The following SERGEF variants were observed in gnomAD, a reference collection of about 807,000 sequenced individuals.
SERGEF encodes secretion regulating guanine nucleotide exchange factor.
Under a neutral mutation model 50.0 loss-of-function variants are expected in SERGEF, and 51 were observed. That is an observed-to-expected ratio of 1.02 (90% CI 0.81 to 1.29). The LOEUF (loss-of-function observed/expected upper bound fraction) is 1.29, where lower values mean the gene tolerates loss of function less well. SERGEF is among the 50% of genes most tolerant of loss of function. The pLI is 0.00. For missense variants in SERGEF, 521 were observed against 557.0 expected (o/e 0.94, Z 0.65); for synonymous variants, 205 against 212.4 (o/e 0.97, Z 0.30).
At chr11:17,926,329 A>G (rs1852247642) in intron 9 of SERGEF, among the ~76,000 whole-genome samples, 2 of 152,068 alleles carry the variant, frequency 1.3e-5, no homozygotes, top group Non-Finnish European at 2.9e-5. Flanking sequence ...GATCCTAAGA[A>G]GCTTCCAGAA....
intron 9 of SERGEF, among the ~76,000 whole-genome samples, chr11:17,920,139 C>T (rs913795479): frequency 2.0e-5 from 3 of 151,530 alleles, no homozygotes; most frequent in Non-Finnish European, 4.4e-5. Context: ...CCTAGCTACT[C>T]AGGAGGCTGA....
chr11:17,912,088 G>C (rs566283331), intron 9 of SERGEF, among the ~76,000 whole-genome samples: 3 of 152,172 alleles, frequency 2.0e-5, no homozygotes, highest in African/African-American at 7.2e-5. Flanking sequence ...TATCCAAGAG[G>C]GAGAAACAAA....
intron 8 of SERGEF, among the ~76,000 whole-genome samples, chr11:17,975,872 CCACTTCTATAGATTTTTTCG>C (rs1436312316): frequency 6.6e-6 from 1 of 152,132 alleles, no homozygotes; most frequent in Non-Finnish European, 1.5e-5. Context: ...AGAGCACTTC[CCACTTCTATAGATTTTTTCG>C]CAGTATTCCT....
At chr11:17,815,418 G>A (rs1162787533) in intron 10 of SERGEF, among the ~76,000 whole-genome samples, 9 of 139,086 alleles carry the variant, frequency 6.5e-5, no homozygotes, top group African/African-American at 2.2e-4. Flanking sequence ...GGTAAACATC[G>A]TGAAACCCCA....
chr11:17,941,433 G>T (rs1181758415), intron 9 of SERGEF, among the ~76,000 whole-genome samples: 1 of 152,074 alleles, frequency 6.6e-6, no homozygotes, highest in African/African-American at 2.4e-5. Context: ...GGTCCTCAAG[G>T]TTCATCTATG....
chr11:17,972,866 G>C (rs1853280281), intron 8 of SERGEF, among the ~76,000 whole-genome samples: 1 of 152,066 alleles, frequency 6.6e-6, no homozygotes, highest in Non-Finnish European at 1.5e-5. Flanking sequence ...GCTGGGTAAT[G>C]AAAGAAACAT....
rs370012744 is a variant in SERGEF, at chr11:18,000,488, G to C, written c.508+9C>G. The C allele has an allele frequency of 6.5e-7, 1 of 1,548,110 alleles. No individual in the cohort carries two copies. The highest frequency in any genetic ancestry group is 8.7e-7 in the Non-Finnish European group (1 of 1,144,908). On this transcript the variant is annotated intron_variant, in intron 5 of 10. Coordinates refer to ENST00000265965, the MANE Select transcript of SERGEF (RefSeq NM_012139.4). ...AATAAAAATAAAAAAATAAAGATAA[G>C]ATGATCACCTGTAGCAGCTACTGCA...
intron 10 of SERGEF, among the ~76,000 whole-genome samples, chr11:17,807,509 A>C (rs565749620): frequency 2.6e-4 from 39 of 152,324 alleles, no homozygotes; most frequent in Middle Eastern, 3.4e-3. Flanking sequence ...TGGCTCACCC[A>C]GGGGGTAATG....
intron 10 of SERGEF, among the ~76,000 whole-genome samples, chr11:17,869,582 G>A (rs986578132): frequency 6.6e-6 from 1 of 152,160 alleles, no homozygotes; most frequent in African/African-American, 2.4e-5. Flanking sequence ...CATGGCAAAA[G>A]GGGTGAACAA....
At chr11:17,865,385 T>C (rs1276718864) in intron 10 of SERGEF, among the ~76,000 whole-genome samples, 1 of 152,220 alleles carries the variant, frequency 6.6e-6, no homozygotes, top group Non-Finnish European at 1.5e-5. Flanking sequence ...GTATTCCTTC[T>C]ACTTATCTTT....
At position 17,830,649 on chromosome 11, in the gene SERGEF, G is replaced by GGAGGGA. The variant is rs60101312; in HGVS notation, c.1049-42237_1049-42236insTCCCTC. ...GAGGGAAAGGGGGAGGGAGAGGGAG[G>GGAGGGA]GAGAGAGAGAGAGAGAGAGAGAGAG... On this transcript the variant is annotated intron_variant, in intron 10 of 10. Coordinates refer to ENST00000265965, the MANE Select transcript of SERGEF (RefSeq NM_012139.4). 4.3e-3 allele frequency among the ~76,000 whole-genome samples: 334 copies of GGAGGGA among 77,734 alleles called. 5 individuals carry two copies. Among genetic ancestry groups the GGAGGGA allele is most frequent in the Non-Finnish European group, 5.8e-3 (260 of 45,044 alleles). 51.0% of individuals were successfully genotyped at this position (77,734 alleles called of 152,430 possible). A position where few individuals can be genotyped will look rare whatever the true frequency, so the allele number is the denominator to read the frequency against.
intron 8 of SERGEF, among the ~76,000 whole-genome samples, chr11:17,985,341 G>A (rs1279736355): frequency 6.6e-5 from 10 of 152,196 alleles, no homozygotes. Flanking sequence ...TTTAATACCA[G>A]ACTTCAGAGT....
intron 9 of SERGEF, among the ~76,000 whole-genome samples, chr11:17,927,346 C>T (rs554220984): frequency 6.6e-6 from 1 of 152,316 alleles, no homozygotes; most frequent in South Asian, 2.1e-4. Flanking sequence ...TGGTAAATGC[C>T]TCACTAAAAC....
chr11:18,012,907 GC>G, intron 1 of SERGEF, 43 bp downstream of exon 1: 1 of 1,536,042 alleles, frequency 6.5e-7, no homozygotes, highest in Non-Finnish European at 8.7e-7. Context: ...CCACATCTCG[GC>G]GCCCCTCAGG....
At chr11:17,965,411 T>C (rs1302014251) in intron 8 of SERGEF, among the ~76,000 whole-genome samples, 2 of 152,188 alleles carry the variant, frequency 1.3e-5, no homozygotes, top group Non-Finnish European at 2.9e-5. Flanking sequence ...AACAGACTAA[T>C]ACAGCCTCCA....
At chr11:17,940,366 C>T (rs1852538695) in intron 9 of SERGEF, among the ~76,000 whole-genome samples, 1 of 152,156 alleles carries the variant, frequency 6.6e-6, no homozygotes, top group South Asian at 2.1e-4. Context: ...AGCTATGCAG[C>T]ATACTTAGCC....
intron 10 of SERGEF, among the ~76,000 whole-genome samples, chr11:17,857,698 T>C (rs1184469219): frequency 5.9e-5 from 9 of 152,168 alleles, no homozygotes; most frequent in Admixed American, 5.2e-4. Context: ...CAGCTTTGAG[T>C]GGCTTCCCTT....
At chr11:17,829,496 G>A (rs1286192556) in intron 10 of SERGEF, among the ~76,000 whole-genome samples, 2 of 152,072 alleles carry the variant, frequency 1.3e-5, no homozygotes, top group Non-Finnish European at 2.9e-5. Context: ...AACCATTATC[G>A]TTTTACCTTA....
intron 10 of SERGEF, among the ~76,000 whole-genome samples, chr11:17,811,100 G>A (rs1849863293): frequency 6.6e-6 from 1 of 152,178 alleles, no homozygotes; most frequent in Non-Finnish European, 1.5e-5. Context: ...TTTCAAAGCT[G>A]AATCTTCAGA....
Sources: gnomAD v4.1 joint callset for allele counts (sites outside exome capture counted in the v4.1 genomes callset) on GRCh38, gnomAD v4.1.1 for gene constraint, MANE v1.5 for transcripts, NCBI Gene and HGNC (gene_info 2026-07-23, HGNC 2026-07-21) for gene names.